ABTB3: variants seen among roughly 807,000 people sequenced by gnomAD.
ABTB3 encodes the protein ankyrin repeat and BTB domain containing 3, also known as ankyrin repeat- and BTB/POZ domain-containing protein 3.
chr12:107,606,519 A>C, the ABTB3 span, among the ~76,000 whole-genome samples: 1 of 152,182 alleles, frequency 6.6e-6, no homozygotes, highest in Non-Finnish European at 1.5e-5. Context: ...GGGGCCCAGC[A>C]TACCGTAGGT....
chr12:107,658,951 G>A, the ABTB3 span: 1 of 152,606 alleles, frequency 6.6e-6, no homozygotes, highest in Non-Finnish European at 1.5e-5. Flanking sequence ...TATCAACAGG[G>A]TTTCGTTGGC....
the ABTB3 span, chr12:107,318,929 A>C: frequency 3.2e-6 from 5 of 1,581,464 alleles, no homozygotes; most frequent in Non-Finnish European, 4.3e-6. Context: ...TGCAGCATGA[A>C]GTGGCGCAGC....
At chr12:107,651,599 C>A in the ABTB3 span, 1 of 991,178 alleles carries the variant, frequency 1.0e-6, no homozygotes, top group Non-Finnish European at 1.6e-6. Flanking sequence ...GACTGTCTCA[C>A]CACTATAGTT....
At chr12:107,417,174 A>C in the ABTB3 span, among the ~76,000 whole-genome samples, 9,196 of 152,262 alleles carry the variant, frequency 0.06, 822 homozygotes, top group African/African-American at 0.2. Flanking sequence ...AAGCGTAGGT[A>C]CACTCATTGA....
the ABTB3 span, among the ~76,000 whole-genome samples, chr12:107,655,641 C>A: frequency 6.6e-6 from 1 of 152,214 alleles, no homozygotes; most frequent in Non-Finnish European, 1.5e-5. Flanking sequence ...TCAACCAGGA[C>A]CTCCGCAACG....
chr12:107,489,819 G>T, the ABTB3 span, among the ~76,000 whole-genome samples: 1 of 151,978 alleles, frequency 6.6e-6, no homozygotes, highest in African/African-American at 2.4e-5. Context: ...CTGAAGTGCA[G>T]TGTTACCATT....
the ABTB3 span, among the ~76,000 whole-genome samples, chr12:107,562,131 C>A: frequency 6.6e-6 from 1 of 152,344 alleles, no homozygotes; most frequent in East Asian, 1.9e-4. Context: ...CTTACTTATT[C>A]TTTCATCCAT....
chr12:107,468,661 T>C, the ABTB3 span, among the ~76,000 whole-genome samples: 8 of 152,130 alleles, frequency 5.3e-5, no homozygotes, highest in Admixed American at 2.0e-4. Flanking sequence ...TCCACAAGTA[T>C]TTATTGAGCA....
At chr12:107,615,120 T>A in the ABTB3 span, 7 of 1,614,096 alleles carry the variant, frequency 4.3e-6, no homozygotes, top group East Asian at 1.3e-4. Context: ...ATTGGACGGC[T>A]CTGACTTTTG....
At chr12:107,588,131 T>G in the ABTB3 span, among the ~76,000 whole-genome samples, 134 of 152,294 alleles carry the variant, frequency 8.8e-4, no homozygotes, top group African/African-American at 3.2e-3. Flanking sequence ...TGTGTCCAAA[T>G]TTCCAACTTG....
At chr12:107,543,854 G>A in the ABTB3 span, 4 of 1,316,050 alleles carry the variant, frequency 3.0e-6, no homozygotes, top group Admixed American at 4.9e-5. Context: ...AAGGACCAGG[G>A]TCTCCACAGA....
chr12:107,494,356 C>T, the ABTB3 span, among the ~76,000 whole-genome samples: 70 of 152,264 alleles, frequency 4.6e-4, no homozygotes, highest in East Asian at 0.014. Context: ...CGGGACCTTC[C>T]CAGATGATCC....
chr12:107,443,889 C>T, the ABTB3 span, among the ~76,000 whole-genome samples: 1 of 152,182 alleles, frequency 6.6e-6, no homozygotes, highest in Non-Finnish European at 1.5e-5. Context: ...AATGTGGGTG[C>T]TCCACCAGGT....
the ABTB3 span, among the ~76,000 whole-genome samples, chr12:107,462,345 G>A: frequency 1.3e-5 from 2 of 152,182 alleles, no homozygotes; most frequent in Non-Finnish European, 2.9e-5. Flanking sequence ...ACCAGTGTTT[G>A]GGGGGAAGTA....
At chr12:107,543,854 G>T in the ABTB3 span, 8 of 1,315,932 alleles carry the variant, frequency 6.1e-6, no homozygotes, top group African/African-American at 8.9e-5. Flanking sequence ...AAGGACCAGG[G>T]TCTCCACAGA....
the ABTB3 span, among the ~76,000 whole-genome samples, chr12:107,603,953 A>G: frequency 6.6e-6 from 1 of 151,888 alleles, no homozygotes; most frequent in African/African-American, 2.4e-5. Context: ...GCGGATCACA[A>G]GGTCAGGAGA....
the ABTB3 span, among the ~76,000 whole-genome samples, chr12:107,466,844 G>A: frequency 2.6e-5 from 4 of 152,142 alleles, no homozygotes; most frequent in African/African-American, 7.2e-5. Context: ...ATGCCTCACC[G>A]AGGAAGAAGC....
At chr12:107,469,391 T>C in the ABTB3 span, among the ~76,000 whole-genome samples, 1 of 152,350 alleles carries the variant, frequency 6.6e-6, no homozygotes, top group Non-Finnish European at 1.5e-5. Context: ...CTCTGCCCTC[T>C]GCTAGGTGCA....
the ABTB3 span, among the ~76,000 whole-genome samples, chr12:107,357,407 A>C: frequency 6.6e-6 from 1 of 152,148 alleles, no homozygotes; most frequent in Non-Finnish European, 1.5e-5. Flanking sequence ...CAGGAGTTCG[A>C]GATGAGCCTG....
Sources: gnomAD v4.1 joint callset for allele counts (sites outside exome capture counted in the v4.1 genomes callset) on GRCh38, gnomAD v4.1.1 for gene constraint, MANE v1.5 for transcripts, NCBI Gene and HGNC (gene_info 2026-07-23, HGNC 2026-07-21) for gene names.